The following MYT1 variants were observed in gnomAD, a reference collection of about 807,000 sequenced individuals.
The protein encoded by MYT1 is myelin transcription factor I.
In MYT1, 23 loss-of-function variants were observed where a neutral mutation model predicts 123.0. The ratio of observed to expected loss-of-function variants is 0.19; its 90% CI spans 0.13 to 0.26. MYT1 has a LOEUF of 0.26. Among genes scored for constraint, MYT1 ranks in the 10% least tolerant of loss-of-function variants. MYT1 has a pLI of 1.00. For synonymous variants in MYT1, 518 were observed against 575.3 expected, an observed-to-expected ratio of 0.90 and a Z score of 1.43; for missense variants, 1,125 against 1,472.5, an observed-to-expected ratio of 0.76 and a Z score of 3.86.
At chr20:64,239,220 C>T (rs971770181) in intron 21 of MYT1, among the ~76,000 whole-genome samples, 5 of 152,132 alleles carry the variant, frequency 3.3e-5, no homozygotes, top group Non-Finnish European at 5.9e-5. Context: ...CTGGGGAAGT[C>T]GTGCTTGGGA....
chr20:64,197,151 G>T (rs754869718), intron 2 of MYT1, among the ~76,000 whole-genome samples: 2 of 152,186 alleles, frequency 1.3e-5, no homozygotes, highest in African/African-American at 4.8e-5. Flanking sequence ...TGTAATAAAC[G>T]CACGGCTCAC....
intron 1 of MYT1, among the ~76,000 whole-genome samples, chr20:64,171,087 T>A (rs1271285727): frequency 2.2e-5 from 3 of 134,648 alleles, no homozygotes; most frequent in Admixed American, 7.7e-5. Flanking sequence ...TTTTTGTATT[T>A]TTTTTTTTTT....
chr20:64,172,371 C>T (rs1379460213), intron 1 of MYT1, among the ~76,000 whole-genome samples: 1 of 152,176 alleles, frequency 6.6e-6, no homozygotes, highest in African/African-American at 2.4e-5. Context: ...AAGCCAAAAT[C>T]CCCAAGGGCT....
At chr20:64,210,238 G>A (rs1983625627) in intron 7 of MYT1, among the ~76,000 whole-genome samples, 1 of 152,226 alleles carries the variant, frequency 6.6e-6, no homozygotes, top group Admixed American at 6.5e-5. Context: ...AAAGGGACAC[G>A]GCCCCGGGTG....
intron 3 of MYT1, among the ~76,000 whole-genome samples, chr20:64,199,291 G>A (rs2145709539): frequency 6.6e-6 from 1 of 152,310 alleles, no homozygotes; most frequent in Non-Finnish European, 1.5e-5. Flanking sequence ...GAGGTTGTTG[G>A]GTTGAGCTGG....
intron 16 of MYT1, 71 bp from the exon 17 acceptor site, chr20:64,227,344 G>T: frequency 6.8e-7 from 1 of 1,460,224 alleles, no homozygotes. Flanking sequence ...TTTCCTCTGG[G>T]GGTCCCAGGG....
At chr20:64,224,946 G>C (rs1324434885) in intron 16 of MYT1, among the ~76,000 whole-genome samples, 1 of 152,194 alleles carries the variant, frequency 6.6e-6, no homozygotes, top group Non-Finnish European at 1.5e-5. Flanking sequence ...CCGTCTGGGA[G>C]AGTTAGTGCT....
chr20:64,217,745 G>A (rs1308721974), intron 11 of MYT1, among the ~76,000 whole-genome samples: 4 of 152,264 alleles, frequency 2.6e-5, no homozygotes, highest in Non-Finnish European at 5.9e-5. Context: ...CTGCGGGGCT[G>A]GGCCCAGTGC....
chr20:64,182,958 G>T (rs1982696008), intron 1 of MYT1, among the ~76,000 whole-genome samples: 1 of 152,178 alleles, frequency 6.6e-6, no homozygotes, highest in African/African-American at 2.4e-5. Flanking sequence ...TACGTGTAGG[G>T]TTGTACATCT....
intron 16 of MYT1, among the ~76,000 whole-genome samples, chr20:64,224,166 G>A (rs563233225): frequency 1.3e-5 from 2 of 152,318 alleles, no homozygotes; most frequent in South Asian, 2.1e-4. Flanking sequence ...CACCGGGGCC[G>A]AGCTGAGGCC....
intron 18 of MYT1, 49 bp downstream of exon 18, chr20:64,228,020 T>A: frequency 6.4e-7 from 1 of 1,568,208 alleles, no homozygotes; most frequent in Non-Finnish European, 8.8e-7. Context: ...AATTGAGATT[T>A]TCGTGTGTTT....
intron 16 of MYT1, among the ~76,000 whole-genome samples, chr20:64,223,601 C>T (rs1347448778): frequency 2.6e-5 from 4 of 152,012 alleles, no homozygotes; most frequent in Non-Finnish European, 4.4e-5. Flanking sequence ...GGCTAGGGGT[C>T]GCTGCAGGCT....
intron 7 of MYT1, 69 bp from the exon 8 acceptor site, chr20:64,211,137 C>T: frequency 2.6e-6 from 4 of 1,535,858 alleles, no homozygotes; most frequent in Non-Finnish European, 3.5e-6. Context: ...GGTTCCTGAG[C>T]TACCCCTGCC....
chr20:64,170,916 GAGAGAGAGAGAGA>G (rs1337963540), intron 1 of MYT1, among the ~76,000 whole-genome samples: 2 of 134,866 alleles, frequency 1.5e-5, no homozygotes, highest in African/African-American at 5.7e-5. Flanking sequence ...GAGAGAGAGA[GAGAGAGAGAGAGA>G]GAGAGACGGA....
intron 1 of MYT1, among the ~76,000 whole-genome samples, chr20:64,165,824 T>G (rs1310260622): frequency 6.6e-6 from 1 of 151,974 alleles, no homozygotes; most frequent in East Asian, 1.9e-4. Flanking sequence ...AATTTTGCCC[T>G]TGCAGTTTTT....
intron 1 of MYT1, among the ~76,000 whole-genome samples, chr20:64,171,736 A>G (rs1438755130): frequency 7.5e-6 from 1 of 132,564 alleles, no homozygotes; most frequent in Non-Finnish European, 1.6e-5. Flanking sequence ...CTAACTCCCT[A>G]CACCTCTGGC....
In MYT1 at chr20:64,207,524, G is replaced by T. The variant is rs1294020614; in HGVS notation, c.398-70G>T. On this transcript the variant is annotated intron_variant, in intron 6 of 22. Transcript: ENST00000328439. ...GGTCAGGTGGAGGGGTGGTGGGTGT[G>T]TTGGGGACTGGAGACCTGGAGTCTT... 20 of 1,558,926 alleles carry T rather than the reference G, an allele frequency of 1.3e-5. No homozygotes were observed. In the South Asian group the frequency reaches 1.5e-4, roughly 12 times the overall value.
chr20:64,230,993 G>A (rs915293130), intron 18 of MYT1, among the ~76,000 whole-genome samples: 2 of 152,138 alleles, frequency 1.3e-5, no homozygotes, highest in Admixed American at 6.5e-5. Flanking sequence ...ACTGGGCAGC[G>A]CAGCCCTGAG....
At chr20:64,187,014 G>T (rs950374803) in intron 1 of MYT1, among the ~76,000 whole-genome samples, 1 of 143,646 alleles carries the variant, frequency 7.0e-6, no homozygotes, top group African/African-American at 2.6e-5. Flanking sequence ...CCACGTTTCC[G>T]TGGAGAGATT....
Sources: allele counts gnomAD v4.1 joint callset (sites outside exome capture counted in the v4.1 genomes callset), GRCh38; gene constraint gnomAD v4.1.1; transcripts MANE v1.5; gene names NCBI Gene and HGNC (gene_info 2026-07-23, HGNC 2026-07-21).